Variants in ADAMTSL1 observed in about 807,000 individuals in gnomAD.
The protein encoded by ADAMTSL1 is ADAMTS-like protein 1.
In ADAMTSL1, 126 loss-of-function variants were observed where a neutral mutation model predicts 201.8. That is an observed-to-expected ratio of 0.62 (90% CI 0.54 to 0.72). ADAMTSL1 has a LOEUF of 0.72. Among genes scored for constraint, ADAMTSL1 ranks in the 30% least tolerant of loss-of-function variants. The pLI is 0.00. For synonymous variants in ADAMTSL1, 1,121 were observed against 903.4 expected, an observed-to-expected ratio of 1.24 and a Z score of -4.32; for missense variants, 2,679 against 2,277.8, an observed-to-expected ratio of 1.18 and a Z score of -3.59.
chr9:18,820,006 T>C lies in ADAMTSL1; in HGVS notation c.3934+2769T>C, dbSNP rs150243032. ...CTTACTCTTGGTCACCTCTATCCCA[T>C]TCCCAGTCAGGCAGCTTAGTGACCT... On this transcript the variant is annotated intron_variant, in intron 21 of 28. Coordinates refer to ENST00000380548, the MANE Select transcript of ADAMTSL1 (RefSeq NM_001040272.6). 3.6e-3 allele frequency among the ~76,000 whole-genome samples: 548 copies of C among 152,302 alleles called. 2 individuals carry two copies. The highest frequency in any genetic ancestry group is 0.013 in the African/African-American group (531 of 41,574).
chr9:18,307,888 A>G (rs1157440814), intron 2 of ADAMTSL1, among the ~76,000 whole-genome samples: 12 of 152,198 alleles, frequency 7.9e-5, no homozygotes, highest in Non-Finnish European at 1.5e-4. Flanking sequence ...TCAACAGAAT[A>G]TACATTCTTT....
rs1032552784 is a variant in ADAMTSL1 at position 18,177,557 on chromosome 9, C to T, written c.207+13576C>T. On this transcript the variant is annotated intron_variant, in intron 2 of 29. Coordinates refer to the ADAMTSL1 transcript ENST00000680146. Reference sequence around the variant, plus strand: ...AGTATGATCAAAGGTGCTAGGGACACAGCTTATTCTACTTTCCTTCTAAGT... The same window carrying T: ...AGTATGATCAAAGGTGCTAGGGACATAGCTTATTCTACTTTCCTTCTAAGT... Among the ~76,000 whole-genome samples the T allele has an allele frequency of 8.5e-5, 13 of 152,142 alleles. No homozygotes were observed. In the East Asian group the frequency reaches 1.2e-3, roughly 14 times the overall value.
chr9:18,572,363 T>C (rs1587603881), intron 3 of ADAMTSL1, among the ~76,000 whole-genome samples: 1 of 149,948 alleles, frequency 6.7e-6, no homozygotes, highest in African/African-American at 2.4e-5. Context: ...TATTTATGGA[T>C]CTTAAAAAAT....
intron 2 of ADAMTSL1, among the ~76,000 whole-genome samples, chr9:18,525,358 G>T (rs1306708151): frequency 2.0e-5 from 3 of 151,968 alleles, no homozygotes; most frequent in African/African-American, 7.3e-5. Context: ...CTTGCTAGTG[G>T]TCTATCAATT....
At chr9:18,873,089 T>C (rs1333396595) in intron 23 of ADAMTSL1, among the ~76,000 whole-genome samples, 2 of 152,254 alleles carry the variant, frequency 1.3e-5, no homozygotes, top group African/African-American at 2.4e-5. Flanking sequence ...TGAGCATTTT[T>C]TCAAAAGTTT....
chr9:18,791,143 C>T (rs1254293741), intron 19 of ADAMTSL1, among the ~76,000 whole-genome samples: 1 of 151,968 alleles, frequency 6.6e-6, no homozygotes, highest in African/African-American at 2.4e-5. Context: ...TGTTTTTTTC[C>T]AGGAATCTCT....
At position 18,910,678 on chromosome 9, in the gene ADAMTSL1, T is replaced by C. The variant is rs1484780656; in HGVS notation, c.*2130T>C. The C allele has an allele frequency of 1.3e-5, 2 of 152,264 alleles. No homozygotes were observed. Among genetic ancestry groups the C allele is most frequent in the Admixed American group, 6.5e-5 (1 of 15,286 alleles). 9.4% of individuals were successfully genotyped at this position (152,264 alleles called of 1,614,324 possible). On this transcript the variant is annotated 3_prime_UTR_variant, in exon 29 of 29. Coordinates refer to ENST00000380548, the MANE Select transcript of ADAMTSL1 (RefSeq NM_001040272.6). Reference sequence around the variant, plus strand: ...TGAAAATCAGTGGTCACTATTTACATTTCCTAAAGAGCAAGCATCCTCCAG... The same window carrying C: ...TGAAAATCAGTGGTCACTATTTACACTTCCTAAAGAGCAAGCATCCTCCAG...
chr9:18,597,558 A>C lies in ADAMTSL1; in HGVS notation c.474+23292A>C, dbSNP rs1044478751. 2.6e-5 allele frequency among the ~76,000 whole-genome samples: 4 copies of C among 152,352 alleles called. No individual in the cohort carries two copies. In the South Asian group the frequency reaches 8.3e-4, roughly 32 times the overall value. On this transcript the variant is annotated intron_variant, in intron 4 of 28. Coordinates refer to ENST00000380548, the MANE Select transcript of ADAMTSL1 (RefSeq NM_001040272.6). ...TGTTTATTTAAGTCAAATTAAAAAT[A>C]GGCAAAGTAGAATTCAGGAAGCCTT...
chr9:18,394,846 T>A (rs1817687143), intron 2 of ADAMTSL1, among the ~76,000 whole-genome samples: 1 of 152,210 alleles, frequency 6.6e-6, no homozygotes, highest in Non-Finnish European at 1.5e-5. Context: ...TTAATCAGCT[T>A]TTTTGCCAAG....
intron 2 of ADAMTSL1, among the ~76,000 whole-genome samples, chr9:18,435,784 G>C (rs772091440): frequency 1.3e-5 from 2 of 152,158 alleles, no homozygotes; most frequent in Non-Finnish European, 2.9e-5. Flanking sequence ...GGCAAGGAGA[G>C]GGCTTGTACA....
At chr9:18,680,882 G>C (rs1830433537) in intron 11 of ADAMTSL1, 3 of 274,226 alleles carry the variant, frequency 1.1e-5, no homozygotes, top group Non-Finnish European at 2.1e-5. Flanking sequence ...ATTTCATTTT[G>C]TATGTATTAT....
At chr9:18,337,143 T>A (rs1185665856) in intron 2 of ADAMTSL1, among the ~76,000 whole-genome samples, 2 of 152,114 alleles carry the variant, frequency 1.3e-5, no homozygotes, top group African/African-American at 4.8e-5. Flanking sequence ...GGGCACAATC[T>A]AATCAGCTGA....
intron 2 of ADAMTSL1, among the ~76,000 whole-genome samples, chr9:18,306,670 G>C (rs144231604): frequency 6.6e-6 from 1 of 152,068 alleles, no homozygotes; most frequent in African/African-American, 2.4e-5. Context: ...AACAAACAAA[G>C]CCTCCAAGAA....
At chr9:18,565,250 A>T (rs543780146) in intron 3 of ADAMTSL1, among the ~76,000 whole-genome samples, 4 of 152,224 alleles carry the variant, frequency 2.6e-5, no homozygotes, top group Non-Finnish European at 5.9e-5. Flanking sequence ...CTTAGTAAAC[A>T]CATAGTAGGG....
chr9:18,078,143 T>A lies in ADAMTSL1; in HGVS notation c.88-85719T>A, dbSNP rs929659260. 1.3e-4 allele frequency among the ~76,000 whole-genome samples: 20 copies of A among 152,204 alleles called. 1 individual carries two copies. Among genetic ancestry groups the A allele is most frequent in the Non-Finnish European group, 2.9e-5 (2 of 68,038 alleles). ...CTGTGTTGAGAGCCCATTTGGGGCT[T>A]GTGAGCACGGAGTTCAAGTGAAACC... is the stretch of plus-strand genomic sequence containing the variant. On this transcript the variant is annotated intron_variant, in intron 1 of 29. Transcript: ENST00000680146.
At chr9:17,996,141 A>T (rs1378533424) in intron 1 of ADAMTSL1, among the ~76,000 whole-genome samples, 2 of 150,492 alleles carry the variant, frequency 1.3e-5, no homozygotes, top group Admixed American at 6.7e-5. Context: ...ATCCTAACTT[A>T]CCAGTGTTCA....
intron 2 of ADAMTSL1, among the ~76,000 whole-genome samples, chr9:18,347,294 T>C (rs942057328): frequency 2.2e-4 from 33 of 152,066 alleles, no homozygotes; most frequent in African/African-American, 7.0e-4. Context: ...AGCAGGAATT[T>C]GGTTGTGGTA....
At position 18,235,779 on chromosome 9, in the gene ADAMTSL1, C is replaced by T. The variant is rs145038695; in HGVS notation, c.207+71798C>T. Among the ~76,000 whole-genome samples, 127 of 152,234 alleles carry T rather than the reference C, an allele frequency of 8.3e-4. 2 individuals carry two copies. In the East Asian group the frequency reaches 0.023, roughly 28 times the overall value. Reference sequence around the variant, plus strand: ...CCTTTGCCTCCTGCATTGATCTTAGCAGAGCTCAAGATACAGTAGAAAGGC... The same window carrying T: ...CCTTTGCCTCCTGCATTGATCTTAGTAGAGCTCAAGATACAGTAGAAAGGC... On this transcript the variant is annotated intron_variant, in intron 2 of 29. Transcript: ENST00000680146.
chr9:18,278,784 C>T (rs1283393599), intron 2 of ADAMTSL1, among the ~76,000 whole-genome samples: 1 of 152,156 alleles, frequency 6.6e-6, no homozygotes, highest in African/African-American at 2.4e-5. Context: ...CTGGGAGTCT[C>T]ATGCAAATTT....
Sources: gnomAD v4.1 joint callset for allele counts (sites outside exome capture counted in the v4.1 genomes callset) on GRCh38, gnomAD v4.1.1 for gene constraint, MANE v1.5 for transcripts, NCBI Gene and HGNC (gene_info 2026-07-23, HGNC 2026-07-21) for gene names.